The following ACTA2 variants were observed in gnomAD, a reference collection of about 807,000 sequenced individuals.
ACTA2 encodes actin alpha 2, smooth muscle, also known as actin, aortic smooth muscle.
ACTA2 carries 12 observed loss-of-function variants against 39.5 expected under a neutral mutation model. The ratio of observed to expected loss-of-function variants is 0.30; its 90% CI spans 0.19 to 0.49. The LOEUF (loss-of-function observed/expected upper bound fraction) is 0.49, where lower values mean the gene tolerates loss of function less well. Ranked by LOEUF, ACTA2 falls within the 20% of genes least tolerant of loss-of-function variation. The pLI is 0.99. For synonymous variants in ACTA2, 158 were observed against 180.6 expected, an observed-to-expected ratio of 0.88 and a Z score of 1.00; for missense variants, 236 against 498.8, an observed-to-expected ratio of 0.47 and a Z score of 5.02.
intron 3 of ACTA2, among the ~76,000 whole-genome samples, chr10:88,945,833 G>C (rs1364516391): frequency 1.3e-5 from 2 of 152,140 alleles, no homozygotes; most frequent in Non-Finnish European, 2.9e-5. Context: ...AACCTTTCAA[G>C]AATGGGCTGT....
At chr10:88,989,714 G>A in intron 1 of ACTA2, 1 of 386,862 alleles carries the variant, frequency 2.6e-6, no homozygotes, top group South Asian at 1.9e-5. Context: ...TGAACAGTGG[G>A]CTAAGCAAAG....
intron 3 of ACTA2, among the ~76,000 whole-genome samples, chr10:88,944,668 T>C (rs1178782805): frequency 1.3e-4 from 20 of 152,222 alleles, no homozygotes; most frequent in Non-Finnish European, 1.5e-5. Flanking sequence ...CCACTCACAG[T>C]CAGACATTTG....
intron 1 of ACTA2, among the ~76,000 whole-genome samples, chr10:88,951,047 G>A (rs1201791993): frequency 1.3e-5 from 2 of 152,152 alleles, no homozygotes; most frequent in Admixed American, 6.5e-5. Flanking sequence ...GAATGGACAT[G>A]GGACTCATGA....
At chr10:88,959,762 C>A (rs1846197174) in intron 1 of ACTA2, among the ~76,000 whole-genome samples, 1 of 152,150 alleles carries the variant, frequency 6.6e-6, no homozygotes, top group South Asian at 2.1e-4. Context: ...TACCATGCTG[C>A]ATTTAAGTCA....
chr10:88,988,631 T>A (rs1396812557), intron 1 of ACTA2, among the ~76,000 whole-genome samples: 1 of 152,106 alleles, frequency 6.6e-6, no homozygotes, highest in Non-Finnish European at 1.5e-5. Context: ...AAAATTTTAT[T>A]TCTTTGCCCT....
chr10:88,947,751 A>G (rs948385591), intron 2 of ACTA2, among the ~76,000 whole-genome samples: 1 of 152,230 alleles, frequency 6.6e-6, no homozygotes, highest in South Asian at 2.1e-4. Context: ...GAAAGAATGT[A>G]TACAATTTTA....
chr10:88,951,785 T>C (rs1274034887), intron 1 of ACTA2, among the ~76,000 whole-genome samples: 3 of 152,266 alleles, frequency 2.0e-5, no homozygotes, highest in East Asian at 1.9e-4. Flanking sequence ...GAAAGAACAG[T>C]ACAGTTCCCA....
chr10:88,941,056 T>A (rs1243221517), intron 6 of ACTA2, 173 bp downstream of exon 6: 9 of 778,454 alleles, frequency 1.2e-5, no homozygotes, highest in Non-Finnish European at 2.0e-5. Flanking sequence ...AATAGTGTAA[T>A]CATTTTGCAA....
chr10:88,967,696 TGTTACTGTAAG>T (rs1479967885), intron 1 of ACTA2, among the ~76,000 whole-genome samples: 1 of 152,184 alleles, frequency 6.6e-6, no homozygotes, highest in Non-Finnish European at 1.5e-5. Context: ...TTCATGATTT[TGTTACTGTAAG>T]CCATGTCTGG....
chr10:88,938,574 A>G (rs966696027), intron 7 of ACTA2: 2 of 331,178 alleles, frequency 6.0e-6, no homozygotes, highest in Non-Finnish European at 1.2e-5. Flanking sequence ...CGCTGAGCCA[A>G]TGTTGCAACA....
chr10:88,954,524 C>A (rs115798778), upstream of ACTA2, among the ~76,000 whole-genome samples: 1 of 152,090 alleles, frequency 6.6e-6, no homozygotes, highest in African/African-American at 2.4e-5. Context: ...GAAGGATTCC[C>A]CTTCCTCCTG....
chr10:88,941,100 G>C lies in ACTA2; in HGVS notation c.616+129C>G, dbSNP rs565583637. ...AGCAAAGAAAGATGTGCTTTGCTCT[G>C]TGCATTAGAGCCAGGCCTTGCCATT... On this transcript the variant is annotated intron_variant, in intron 6 of 8. Transcript: ENST00000224784. 91 of 1,131,066 alleles carry C rather than the reference G, an allele frequency of 8.0e-5. No homozygotes were observed. The African/African-American group carries it at 1.3e-3, about 16-fold the overall frequency. 70.1% of individuals were successfully genotyped at this position (1,131,066 alleles called of 1,614,324 possible). A position where few individuals can be genotyped will look rare whatever the true frequency, so the allele number is the denominator to read the frequency against.
chr10:88,949,718 A>T (rs1275846971), intron 1 of ACTA2, among the ~76,000 whole-genome samples: 1 of 152,230 alleles, frequency 6.6e-6, no homozygotes, highest in African/African-American at 2.4e-5. Flanking sequence ...AGCAAAAGGT[A>T]GTTCTTATGT....
At chr10:88,951,613 C>T (rs1226414371) in intron 1 of ACTA2, among the ~76,000 whole-genome samples, 2 of 152,176 alleles carry the variant, frequency 1.3e-5, no homozygotes, top group Admixed American at 6.5e-5. Context: ...CAGTGGTTTA[C>T]AGCTCCTCTC....
upstream of ACTA2, among the ~76,000 whole-genome samples, chr10:88,954,993 A>G (rs566248971): frequency 3.1e-4 from 46 of 147,582 alleles, 1 homozygote; most frequent in South Asian, 8.4e-3. Context: ...TTATGGAACA[A>G]TTAGAAAAAC....
At chr10:88,951,705 C>T (rs748955609) in intron 1 of ACTA2, among the ~76,000 whole-genome samples, 6 of 152,148 alleles carry the variant, frequency 3.9e-5, no homozygotes, top group Admixed American at 6.5e-5. Context: ...TTTGGAACTG[C>T]ACCCGGGTCA....
chr10:88,965,909 A>G (rs910428922), intron 1 of ACTA2, among the ~76,000 whole-genome samples: 1 of 152,280 alleles, frequency 6.6e-6, no homozygotes, highest in African/African-American at 2.4e-5. Context: ...AGGTACACCA[A>G]TGTTTTTTTC....
chr10:88,955,454 A>C (rs564921285), upstream of ACTA2, among the ~76,000 whole-genome samples: 5 of 152,332 alleles, frequency 3.3e-5, no homozygotes, highest in African/African-American at 1.2e-4. Context: ...CCACCTTTGG[A>C]ATTCCCCAGG....
At position 88,991,052 on chromosome 10, in the gene ACTA2, T is replaced by G. The variant is rs1477683332; in HGVS notation, c.-137A>C. ...AGCGGCGGGCTGCTGCGGGAGGCGT[T>G]GGAGACTGGCTCCCGGGGGCTGTTA... On this transcript the variant is annotated 5_prime_UTR_variant, in exon 1 of 5. Transcript: ENST00000415557. 4 of 1,049,038 alleles carry G rather than the reference T, an allele frequency of 3.8e-6. No homozygotes were observed. In the South Asian group the frequency reaches 5.5e-5, roughly 14 times the overall value. The allele number at this position is 1,049,038 out of a possible 1,614,324, so 65.0% of individuals were successfully genotyped here.
Sources: allele counts gnomAD v4.1 joint callset (sites outside exome capture counted in the v4.1 genomes callset), GRCh38; gene constraint gnomAD v4.1.1; transcripts MANE v1.5; gene names NCBI Gene and HGNC (gene_info 2026-07-23, HGNC 2026-07-21).